The following ESRRG variants were observed in gnomAD, a reference collection of about 807,000 sequenced individuals.
ESRRG encodes estrogen related receptor gamma.
In ESRRG, 13 loss-of-function variants were observed where a neutral mutation model predicts 44.0. The observed-to-expected ratio is 0.30, with a 90% CI of 0.19 to 0.47. The LOEUF is 0.47. ESRRG is among the 20% of genes least tolerant of loss of function. The pLI is 1.00. For missense variants in ESRRG, 395 were observed against 580.6 expected, an observed-to-expected ratio of 0.68 and a Z score of 3.29; for synonymous variants, 215 against 214.6, an observed-to-expected ratio of 1.00 and a Z score of -0.02.
At chr1:216,559,923 A>G (rs1227959903) in intron 5 of ESRRG, among the ~76,000 whole-genome samples, 2 of 152,200 alleles carry the variant, frequency 1.3e-5, no homozygotes, top group East Asian at 1.9e-4. Context: ...ATGTAGAAAC[A>G]GTTTATCCAT....
chr1:216,772,621 AG>A lies in ESRRG; in HGVS notation c.-13-95131del, dbSNP rs567250279. On this transcript the variant is annotated intron_variant, in intron 2 of 7. Transcript: ENST00000359162. ...ATGAGAACAGCATCATTAGCTTGAA[AG>A]GTGTATGTTATTTACCAGTGACCTA... 2.8e-4 allele frequency among the ~76,000 whole-genome samples: 43 copies of A among 152,292 alleles called. No individual in the cohort carries two copies. In the East Asian group the frequency reaches 8.1e-3, roughly 29 times the overall value.
At chr1:216,675,052 T>G (rs2075851401) in intron 2 of ESRRG, among the ~76,000 whole-genome samples, 1 of 152,074 alleles carries the variant, frequency 6.6e-6, no homozygotes, top group African/African-American at 2.4e-5. Flanking sequence ...AGAGTTGAAT[T>G]TCCAGATGCT....
intron 2 of ESRRG, among the ~76,000 whole-genome samples, chr1:216,797,726 A>G (rs900820737): frequency 6.6e-6 from 1 of 152,098 alleles, no homozygotes; most frequent in African/African-American, 2.4e-5. Context: ...TTTTCATCAC[A>G]TCGTATCAAG....
chr1:217,071,539 G>A (rs984641973), intron 1 of ESRRG, among the ~76,000 whole-genome samples: 5 of 152,170 alleles, frequency 3.3e-5, no homozygotes, highest in African/African-American at 4.8e-5. Context: ...CATGGTAAGT[G>A]AACAGTAAGG....
intron 1 of ESRRG, among the ~76,000 whole-genome samples, chr1:217,013,604 C>T (rs920783769): frequency 6.6e-6 from 1 of 152,194 alleles, no homozygotes; most frequent in Admixed American, 6.5e-5. Context: ...AGACCTATCA[C>T]TTACCCCTGA....
chr1:217,022,520 C>CT (rs916901857), intron 1 of ESRRG, among the ~76,000 whole-genome samples: 93 of 149,118 alleles, frequency 6.2e-4, no homozygotes, highest in Middle Eastern at 6.8e-3. Flanking sequence ...CTGATGGTCA[C>CT]TTTTTTTTTT....
At chr1:216,961,057 T>C (rs1033815802) in intron 1 of ESRRG, among the ~76,000 whole-genome samples, 1 of 152,146 alleles carries the variant, frequency 6.6e-6, no homozygotes, top group African/African-American at 2.4e-5. Flanking sequence ...ATGATATTTA[T>C]ACAAGGAGGA....
chr1:216,828,209 AT>A (rs1381847477), intron 2 of ESRRG, among the ~76,000 whole-genome samples: 2 of 152,210 alleles, frequency 1.3e-5, no homozygotes, highest in Non-Finnish European at 2.9e-5. Flanking sequence ...ATGGAAATGG[AT>A]TCCTGTGACA....
intron 5 of ESRRG, among the ~76,000 whole-genome samples, chr1:216,555,984 G>A (rs1040206621): frequency 1.3e-5 from 2 of 152,028 alleles, no homozygotes; most frequent in Non-Finnish European, 1.5e-5. Context: ...AAGGAGCAAA[G>A]GGGAAAACAA....
intron 5 of ESRRG, among the ~76,000 whole-genome samples, chr1:216,530,304 GTCTATCTATCTA>G (rs532896655): frequency 1.0e-4 from 12 of 116,296 alleles, no homozygotes; most frequent in African/African-American, 3.2e-4. Context: ...ATATATTAAG[GTCTATCTATCTA>G]TCTATCTATC....
intron 1 of ESRRG, among the ~76,000 whole-genome samples, chr1:217,098,011 C>T (rs987852847): frequency 6.6e-6 from 1 of 152,164 alleles, no homozygotes; most frequent in Non-Finnish European, 1.5e-5. Flanking sequence ...AATAGTATTG[C>T]TTTACAATCC....
intron 2 of ESRRG, among the ~76,000 whole-genome samples, chr1:216,809,829 T>A (rs971142524): frequency 3.3e-5 from 5 of 152,134 alleles, no homozygotes; most frequent in Admixed American, 2.6e-4. Flanking sequence ...AAATGAGCTG[T>A]CCTCATAGGC....
At position 216,784,280 on chromosome 1, in the gene ESRRG, G is replaced by C. The variant is rs551453891; in HGVS notation, c.-13-106789C>G. Among the ~76,000 whole-genome samples the C allele has an allele frequency of 3.3e-5, 5 of 151,878 alleles. No homozygotes were observed. The East Asian group carries it at 9.7e-4, about 30-fold the overall frequency. ...TGTTTAAAATATCCACGATGTTATA[G>C]TTAATTGTTGTCAAGATTTTTCTCT... On this transcript the variant is annotated intron_variant, in intron 2 of 7. Coordinates refer to the ESRRG transcript ENST00000359162.
intron 5 of ESRRG, among the ~76,000 whole-genome samples, chr1:216,547,255 G>C (rs1056326300): frequency 2.6e-5 from 4 of 151,504 alleles, no homozygotes; most frequent in Non-Finnish European, 5.9e-5. Context: ...TGATGTTGTT[G>C]ATGATGATGA....
intron 2 of ESRRG, among the ~76,000 whole-genome samples, chr1:216,762,215 A>G (rs1488469937): frequency 2.7e-5 from 4 of 149,086 alleles, no homozygotes; most frequent in East Asian, 2.0e-4. Flanking sequence ...GTATATACCC[A>G]AAGGACTATA....
At chr1:216,696,633 T>C (rs1290899945) in intron 1 of ESRRG, among the ~76,000 whole-genome samples, 1 of 152,220 alleles carries the variant, frequency 6.6e-6, no homozygotes, top group East Asian at 1.9e-4. Flanking sequence ...TAAGATTATT[T>C]ATATCATAGT....
At chr1:216,999,662 C>T (rs758556599) in intron 1 of ESRRG, among the ~76,000 whole-genome samples, 14 of 152,132 alleles carry the variant, frequency 9.2e-5, no homozygotes, top group African/African-American at 2.4e-4. Context: ...TCTGTAGATT[C>T]GCTTGTTCGT....
chr1:216,531,961 T>A (rs2049490890), intron 5 of ESRRG, among the ~76,000 whole-genome samples: 1 of 151,984 alleles, frequency 6.6e-6, no homozygotes, highest in Non-Finnish European at 1.5e-5. Flanking sequence ...ATCCTAGAAG[T>A]TTTTATATCA....
chr1:216,695,382 T>C (rs1486892423), intron 1 of ESRRG, among the ~76,000 whole-genome samples: 1 of 152,102 alleles, frequency 6.6e-6, no homozygotes. Context: ...TGAACTGCAA[T>C]TACCTGGTTG....
Sources: allele counts gnomAD v4.1 joint callset (sites outside exome capture counted in the v4.1 genomes callset), GRCh38; gene constraint gnomAD v4.1.1; transcripts MANE v1.5; gene names NCBI Gene and HGNC (gene_info 2026-07-23, HGNC 2026-07-21).